STIM2: variants seen among roughly 807,000 people sequenced by gnomAD.
STIM2 encodes stromal interaction molecule 2.
STIM2 carries 31 observed loss-of-function variants against 85.8 expected under a neutral mutation model. That is an observed-to-expected ratio of 0.36 (90% CI 0.27 to 0.49). The LOEUF (loss-of-function observed/expected upper bound fraction) is 0.49, where lower values mean the gene tolerates loss of function less well. Among genes scored for constraint, STIM2 ranks in the 20% least tolerant of loss-of-function variants. The pLI, the probability that STIM2 is intolerant of heterozygous loss-of-function variation, is 0.98. For synonymous variants in STIM2, 356 were observed against 331.1 expected, an observed-to-expected ratio of 1.08 and a Z score of -0.82; for missense variants, 841 against 927.6, an observed-to-expected ratio of 0.91 and a Z score of 1.21.
intron 3 of STIM2, among the ~76,000 whole-genome samples, chr4:26,980,385 A>G (rs768905622): frequency 2.6e-5 from 4 of 152,134 alleles, no homozygotes; most frequent in Non-Finnish European, 5.9e-5. Context: ...TTTGTTAATA[A>G]CTTGTTGGTT....
At chr4:26,974,876 A>G (rs972454659) in intron 3 of STIM2, among the ~76,000 whole-genome samples, 7 of 152,100 alleles carry the variant, frequency 4.6e-5, no homozygotes, top group East Asian at 1.9e-4. Context: ...AGGTACACCA[A>G]TCAAATGTAG....
At chr4:26,974,804 T>C (rs916196355) in intron 3 of STIM2, among the ~76,000 whole-genome samples, 1 of 152,230 alleles carries the variant, frequency 6.6e-6, no homozygotes, top group Non-Finnish European at 1.5e-5. Flanking sequence ...GTTGGGGGTG[T>C]TCTCCTGGAT....
At chr4:26,998,342 A>G (rs1013920878) in intron 4 of STIM2, among the ~76,000 whole-genome samples, 13 of 152,136 alleles carry the variant, frequency 8.5e-5, no homozygotes, top group African/African-American at 2.9e-4. Context: ...AGTACTTATT[A>G]TTATATAAAT....
At chr4:26,886,604 AT>A (rs1467932537) in intron 1 of STIM2, among the ~76,000 whole-genome samples, 1 of 152,130 alleles carries the variant, frequency 6.6e-6, no homozygotes, top group African/African-American at 2.4e-5. Flanking sequence ...CCATTGTTGG[AT>A]TTTTGGAGAA....
At chr4:26,980,184 A>G (rs1577476924) in intron 3 of STIM2, among the ~76,000 whole-genome samples, 1 of 152,372 alleles carries the variant, frequency 6.6e-6, no homozygotes, top group East Asian at 1.9e-4. Flanking sequence ...TATTTGTCTT[A>G]TAGAATATAA....
intron 1 of STIM2, among the ~76,000 whole-genome samples, chr4:26,911,656 A>G (rs954494140): frequency 2.0e-5 from 3 of 152,186 alleles, no homozygotes; most frequent in Non-Finnish European, 2.9e-5. Flanking sequence ...CATTCCTGGT[A>G]TAGCATTTGG....
At chr4:26,989,355 C>T (rs554224327) in intron 3 of STIM2, among the ~76,000 whole-genome samples, 1 of 152,174 alleles carries the variant, frequency 6.6e-6, no homozygotes, top group Non-Finnish European at 1.5e-5. Context: ...GAATCAAGGT[C>T]AAAAACTATA....
chr4:26,893,929 C>G (rs1022270929), intron 1 of STIM2, among the ~76,000 whole-genome samples: 1 of 152,052 alleles, frequency 6.6e-6, no homozygotes, highest in African/African-American at 2.4e-5. Flanking sequence ...TGTTGTGTCG[C>G]CCAGGCTAGA....
intron 2 of STIM2, among the ~76,000 whole-genome samples, chr4:26,931,355 G>A (rs1054413097): frequency 2.6e-5 from 4 of 152,078 alleles, no homozygotes; most frequent in Non-Finnish European, 5.9e-5. Context: ...ATCATTGGGA[G>A]CCATTTCAGA....
At chr4:26,966,027 T>A (rs1204369604) in intron 3 of STIM2, among the ~76,000 whole-genome samples, 3 of 152,158 alleles carry the variant, frequency 2.0e-5, no homozygotes, top group African/African-American at 7.2e-5. Flanking sequence ...TAAGATTGTT[T>A]GTGAGTTTGC....
At chr4:26,977,889 G>A (rs1473248658) in intron 3 of STIM2, among the ~76,000 whole-genome samples, 1 of 152,164 alleles carries the variant, frequency 6.6e-6, no homozygotes, top group East Asian at 1.9e-4. Context: ...GAAATGGCCG[G>A]TGAGATAGGA....
At chr4:26,902,882 C>CA (rs1297563097) in intron 1 of STIM2, among the ~76,000 whole-genome samples, 1 of 151,990 alleles carries the variant, frequency 6.6e-6, no homozygotes, top group African/African-American at 2.4e-5. Flanking sequence ...TTTATGGGGC[C>CA]AAAAATAAAA....
At chr4:27,001,159 A>G (rs1577489634) in intron 5 of STIM2, among the ~76,000 whole-genome samples, 2 of 152,322 alleles carry the variant, frequency 1.3e-5, no homozygotes, top group East Asian at 3.9e-4. Context: ...TATGTCACCA[A>G]ACTTCAAAAT....
chr4:26,911,167 G>T (rs1577432783), intron 1 of STIM2, among the ~76,000 whole-genome samples: 2 of 151,940 alleles, frequency 1.3e-5, no homozygotes, highest in African/African-American at 4.8e-5. Context: ...AACCCAGGAG[G>T]TGTAGGTTGC....
At chr4:26,887,970 T>G (rs975281116) in intron 1 of STIM2, among the ~76,000 whole-genome samples, 4 of 152,236 alleles carry the variant, frequency 2.6e-5, no homozygotes, top group African/African-American at 9.6e-5. Flanking sequence ...CAGGCGATGA[T>G]GCTGCAGTCG....
In STIM2 at chr4:26,889,142, T is replaced by A. The variant is rs556780886; in HGVS notation, c.151+27773T>A. Among the ~76,000 whole-genome samples the A allele has an allele frequency of 2.0e-5, 3 of 152,312 alleles. No homozygotes were observed. In the East Asian group the frequency reaches 5.8e-4, roughly 29 times the overall value. On this transcript the variant is annotated intron_variant, in intron 1 of 11. Transcript: ENST00000467087. ...AATAGTGAGTGGCCCCACTCTTATT[T>A]CTCTCTCTGGATTCTGGGATCCATG...
intron 2 of STIM2, 67 bp from the exon 3 acceptor site, chr4:26,957,545 C>A: frequency 1.0e-6 from 1 of 955,810 alleles, no homozygotes. Context: ...CAGATTTCAT[C>A]TTTTTCTCTA....
At position 26,935,210 on chromosome 4, in the gene STIM2, A is replaced by G. The variant is rs74337920; in HGVS notation, c.282+15576A>G. Among the ~76,000 whole-genome samples, 684 of 152,300 alleles carry G rather than the reference A, an allele frequency of 4.5e-3. 8 individuals are homozygous for G. The highest frequency in any genetic ancestry group is 0.016 in the African/African-American group (664 of 41,566). Reference sequence around the variant, plus strand: ...TTAGGAATCTGGAAGAAAGATTCTTATGTAGGTGGAAGTCATCTTATAGGG... The same window carrying G: ...TTAGGAATCTGGAAGAAAGATTCTTGTGTAGGTGGAAGTCATCTTATAGGG... On this transcript the variant is annotated intron_variant, in intron 2 of 11. Coordinates refer to ENST00000467087, the MANE Select transcript of STIM2 (RefSeq NM_020860.4).
At chr4:26,950,576 T>G (rs1478787009) in intron 2 of STIM2, among the ~76,000 whole-genome samples, 3 of 152,260 alleles carry the variant, frequency 2.0e-5, no homozygotes, top group African/African-American at 7.2e-5. Context: ...CCTTTAGCCT[T>G]CTGCTATATT....
Sources: allele counts gnomAD v4.1 joint callset (sites outside exome capture counted in the v4.1 genomes callset), GRCh38; gene constraint gnomAD v4.1.1; transcripts MANE v1.5; gene names NCBI Gene and HGNC (gene_info 2026-07-23, HGNC 2026-07-21).